C1QTNF2: variants seen among roughly 807,000 people sequenced by gnomAD.
C1QTNF2 encodes the protein C1q and TNF related 2, also known as complement C1q tumor necrosis factor-related protein 2.
Under a neutral mutation model 17.4 loss-of-function variants are expected in C1QTNF2, and 15 were observed. That is an observed-to-expected ratio of 0.86 (90% confidence interval 0.58 to 1.33). The LOEUF (loss-of-function observed/expected upper bound fraction) is 1.33. C1QTNF2 is among the 40% of genes most tolerant of loss of function. The pLI, the probability that C1QTNF2 is intolerant of heterozygous loss-of-function variation, is 0.00. For missense variants in C1QTNF2, 381 were observed against 392.3 expected, an observed-to-expected ratio of 0.97 and a Z score of 0.24; for synonymous variants, 154 against 163.3, an observed-to-expected ratio of 0.94 and a Z score of 0.44.
At position 160,354,980 on chromosome 5, in the gene C1QTNF2, A is replaced by G; in HGVS notation, c.32T>C (p.Leu11Pro). The G allele has an allele frequency of 6.3e-7, 1 of 1,589,620 alleles. No individual in the cohort carries two copies. The highest frequency in any genetic ancestry group is 8.6e-7 in the Non-Finnish European group (1 of 1,169,050). MIPWVLLACALPCAADPLLGA... is the reference protein window; with the variant it reads MIPWVLLACAPPCAADPLLGA... ...AAGCAGTGGGTCAGCAGCACAGGGG[A>G]GGGCACAGGCCAGGAGCACCCAGGG... Residue 11 changes from leucine (L) to proline (P), a missense_variant, in exon 2 of 3, where the codon CTC becomes CCC. Physicochemically the swap from Leu to Pro is moderately conservative, Grantham distance 98. Transcript: ENST00000652664.
intron 1 of C1QTNF2, among the ~76,000 whole-genome samples, chr5:160,358,466 A>G (rs529179755): frequency 6.7e-6 from 1 of 149,848 alleles, no homozygotes; most frequent in African/African-American, 2.5e-5. Context: ...CCTTTCTTTA[A>G]TTTTTTTTTT....
chr5:160,351,954 A>G (rs557862066), intron 2 of C1QTNF2, among the ~76,000 whole-genome samples: 2 of 150,864 alleles, frequency 1.3e-5, no homozygotes, highest in Non-Finnish European at 2.9e-5. Flanking sequence ...GCTGTTACGC[A>G]GGCTGGAGTG....
chr5:160,360,939 T>G (rs1338051187), intron 1 of C1QTNF2, among the ~76,000 whole-genome samples: 1 of 151,942 alleles, frequency 6.6e-6, no homozygotes, highest in African/African-American at 2.4e-5. Context: ...GGACTACAGG[T>G]GCGCACCACC....
intron 1 of C1QTNF2, among the ~76,000 whole-genome samples, chr5:160,363,083 C>T (rs1764183296): frequency 6.6e-6 from 1 of 152,132 alleles, no homozygotes; most frequent in Admixed American, 6.5e-5. Flanking sequence ...CAAATCTCAC[C>T]CAGCAGGGCA....
rs150604403 is a variant in C1QTNF2, at chr5:160,361,616, TTGTG to T, written c.-9-6600_-9-6597del. Among the ~76,000 whole-genome samples the T allele has an allele frequency of 9.9e-3, 1,503 of 152,244 alleles. 26 individuals are homozygous for T. Among genetic ancestry groups the T allele is most frequent in the African/African-American group, 0.035 (1,433 of 41,536 alleles). Reference sequence around the variant, plus strand: ...TAATAGTATACCTACCTCAGGGAGTTTGTGTGAGAAATGAGTGAAGGAATGCATT... The same window carrying T: ...TAATAGTATACCTACCTCAGGGAGTTTGAGAAATGAGTGAAGGAATGCATT... On this transcript the variant is annotated intron_variant, in intron 1 of 2. Transcript: ENST00000652664.
intron 1 of C1QTNF2, among the ~76,000 whole-genome samples, chr5:160,358,098 C>T (rs1194232427): frequency 6.6e-6 from 1 of 152,246 alleles, no homozygotes; most frequent in African/African-American, 2.4e-5. Flanking sequence ...GCCCCAGTGC[C>T]TGGGTGGAAG....
At chr5:160,369,554 T>C (rs1417655583) in intron 1 of C1QTNF2, among the ~76,000 whole-genome samples, 1 of 152,232 alleles carries the variant, frequency 6.6e-6, no homozygotes, top group Admixed American at 6.5e-5. Flanking sequence ...CAGTGCTAAC[T>C]GAGCACCAGC....
intron 1 of C1QTNF2, among the ~76,000 whole-genome samples, chr5:160,356,417 C>T (rs1198710784): frequency 6.6e-6 from 1 of 152,194 alleles, no homozygotes; most frequent in African/African-American, 2.4e-5. Context: ...GGTTGTTGGG[C>T]CTTATCCCCA....
intron 1 of C1QTNF2, among the ~76,000 whole-genome samples, chr5:160,359,454 C>T (rs1393482777): frequency 1.3e-5 from 2 of 152,188 alleles, no homozygotes; most frequent in Admixed American, 1.3e-4. Context: ...TTATATTTTT[C>T]CCCCTAAATA....
intron 1 of C1QTNF2, among the ~76,000 whole-genome samples, chr5:160,361,232 G>C (rs1305902728): frequency 6.6e-6 from 1 of 152,206 alleles, no homozygotes; most frequent in Non-Finnish European, 1.5e-5. Context: ...TGGGTCTACT[G>C]TCAGGGAAGT....
Position 160,354,958 on chromosome 5 carries a change from C to T in C1QTNF2, c.54G>A (p.Leu18=), listed in dbSNP as rs752683921. 6.3e-7 allele frequency: 1 copy of T among 1,593,670 alleles called. No individual in the cohort carries two copies. Among genetic ancestry groups the T allele is most frequent in the Non-Finnish European group, 8.5e-7 (1 of 1,170,884 alleles). The change falls in exon 2 of 3, where the codon CTG becomes CTA. Residue 18 remains leucine, a synonymous_variant. Transcript: ENST00000652664. ...AGTCCCTGCGAGCAAAGGCGCCAAG[C>T]AGTGGGTCAGCAGCACAGGGGAGGG... ...ACALPCAADP[L]LGAFARRDFR...
chr5:160,369,761 T>C (rs909767220), intron 1 of C1QTNF2, among the ~76,000 whole-genome samples: 3 of 152,132 alleles, frequency 2.0e-5, no homozygotes, highest in Non-Finnish European at 4.4e-5. Flanking sequence ...AGGAGAGACC[T>C]GGGCTGGGAG....
intron 1 of C1QTNF2, among the ~76,000 whole-genome samples, chr5:160,357,768 C>A (rs577266263): frequency 6.7e-6 from 1 of 149,718 alleles, no homozygotes. Flanking sequence ...GCCAGCCGGA[C>A]GAGAGAGAGG....
At chr5:160,364,846 A>G (rs371623507) in intron 1 of C1QTNF2, among the ~76,000 whole-genome samples, 1 of 152,210 alleles carries the variant, frequency 6.6e-6, no homozygotes, top group East Asian at 1.9e-4. Context: ...AGACCAGGGA[A>G]GAAGCGGGAT....
At chr5:160,357,507 T>C (rs1764072829) in intron 1 of C1QTNF2, among the ~76,000 whole-genome samples, 1 of 151,564 alleles carries the variant, frequency 6.6e-6, no homozygotes, top group Non-Finnish European at 1.5e-5. Flanking sequence ...CCAGGCCCTG[T>C]GAATCACCAT....
intron 2 of C1QTNF2, among the ~76,000 whole-genome samples, chr5:160,350,641 A>G (rs1763900498): frequency 6.6e-6 from 1 of 152,188 alleles, no homozygotes; most frequent in African/African-American, 2.4e-5. Context: ...GTTCCAGGTT[A>G]CAGTGAGCTA....
chr5:160,354,627 T>TAGAAAG (rs1404261090), intron 2 of C1QTNF2, 141 bp downstream of exon 2: 1 of 208,820 alleles, frequency 4.8e-6, no homozygotes, highest in African/African-American at 3.0e-5. Flanking sequence ...TATATATATA[T>TAGAAAG]ATATATAGAT....
At chr5:160,368,085 G>GC (rs1164394092) in intron 1 of C1QTNF2, among the ~76,000 whole-genome samples, 1 of 152,192 alleles carries the variant, frequency 6.6e-6, no homozygotes, top group Non-Finnish European at 1.5e-5. Flanking sequence ...CTCCACCATG[G>GC]CCCCTCAGCT....
intron 1 of C1QTNF2, among the ~76,000 whole-genome samples, chr5:160,362,448 T>A (rs896306543): frequency 2.0e-5 from 3 of 152,166 alleles, no homozygotes; most frequent in Non-Finnish European, 2.9e-5. Context: ...CCCAAACACT[T>A]CTGCCCAACT....
Sources: gnomAD v4.1 joint callset for allele counts (sites outside exome capture counted in the v4.1 genomes callset) on GRCh38, gnomAD v4.1.1 for gene constraint, MANE v1.5 for transcripts, NCBI Gene and HGNC (gene_info 2026-07-23, HGNC 2026-07-21) for gene names.